The following PCTP variants were observed in gnomAD, a reference collection of about 807,000 sequenced individuals.
The protein encoded by PCTP is phosphatidylcholine transfer protein.
PCTP carries 27 observed loss-of-function variants against 31.0 expected under a neutral mutation model. The ratio of observed to expected loss-of-function variants is 0.87; its 90% CI spans 0.64 to 1.20. The LOEUF is 1.20. PCTP is among the 50% of genes most tolerant of loss of function. PCTP has a pLI of 0.00. For synonymous variants in PCTP, 108 were observed against 101.2 expected (o/e 1.07, Z -0.40); for missense variants, 287 against 268.2 (o/e 1.07, Z -0.49).
intron 5 of PCTP, among the ~76,000 whole-genome samples, chr17:55,842,223 G>A (rs973073127): frequency 6.6e-6 from 1 of 152,116 alleles, no homozygotes; most frequent in South Asian, 2.1e-4. Flanking sequence ...AATGGAATGG[G>A]GCATGGGGGC....
chr17:55,840,640 T>C (rs1905949493), intron 5 of PCTP, among the ~76,000 whole-genome samples: 1 of 152,234 alleles, frequency 6.6e-6, no homozygotes, highest in South Asian at 2.1e-4. Flanking sequence ...ACCTTTATTA[T>C]GGCATATTGT....
At chr17:55,843,593 G>C (rs1486710846), downstream of PCTP, among the ~76,000 whole-genome samples, 1 of 152,152 alleles carries the variant, frequency 6.6e-6, no homozygotes, top group African/African-American at 2.4e-5. Context: ...CCTCCGCATA[G>C]TTCTTCTAAC....
At chr17:55,792,521 A>C (rs1240326134) in intron 3 of PCTP, among the ~76,000 whole-genome samples, 1 of 152,114 alleles carries the variant, frequency 6.6e-6, no homozygotes. Flanking sequence ...TTAGATAGTA[A>C]GAACTGTGCG....
intron 3 of PCTP, among the ~76,000 whole-genome samples, chr17:55,792,530 C>A (rs965095491): frequency 6.6e-6 from 1 of 151,846 alleles, no homozygotes; most frequent in African/African-American, 2.4e-5. Flanking sequence ...AAGAACTGTG[C>A]GGCCAGAAAA....
downstream of PCTP, among the ~76,000 whole-genome samples, chr17:55,779,460 G>A (rs898036467): frequency 6.6e-6 from 1 of 152,182 alleles, no homozygotes; most frequent in Admixed American, 6.5e-5. Context: ...GACTCAGCAG[G>A]AGAGTCAGTC....
In PCTP at chr17:55,837,725, T is replaced by A. The variant is rs532040891; in HGVS notation, n.506-5002T>A. The stretch of plus-strand genomic sequence containing the variant: ...TCATATCTCTCCATGTCTGTAACCA[T>A]CTTCTGACAGAGCCACCATCATCTC... On this transcript the variant is annotated intron_variant and non_coding_transcript_variant, in intron 5 of 5. Coordinates refer to the PCTP transcript ENST00000576221. Among the ~76,000 whole-genome samples the A allele has an allele frequency of 5.9e-5, 9 of 152,114 alleles. 1 individual carries two copies. In the South Asian group the frequency reaches 1.9e-3, roughly 32 times the overall value.
downstream of PCTP, among the ~76,000 whole-genome samples, chr17:55,847,365 G>A (rs1216502282): frequency 6.6e-6 from 1 of 152,196 alleles, no homozygotes; most frequent in Non-Finnish European, 1.5e-5. Context: ...TAATCCCCAG[G>A]TATTGAGGGA....
chr17:55,770,911 TA>T, intron 2 of PCTP, 194 bp from the exon 3 acceptor site: 1 of 399,264 alleles, frequency 2.5e-6, no homozygotes, highest in South Asian at 3.8e-5. Context: ...TTTTTTTTTA[TA>T]TATAGAGATG....
rs186106993 is a variant in PCTP at position 55,817,511 on chromosome 17, G to A, written c.318-5250G>A. On this transcript the variant is annotated intron_variant, in intron 3 of 3. Coordinates refer to the PCTP transcript ENST00000572536. Reference sequence around the variant, plus strand: ...ACTGCAGATCCCTGGATGTGGGGAAGCACCTAAGAAGGTCAGTTCTTCCGG... The same window carrying A: ...ACTGCAGATCCCTGGATGTGGGGAAACACCTAAGAAGGTCAGTTCTTCCGG... Among the ~76,000 whole-genome samples, 358 of 152,330 alleles carry A rather than the reference G, an allele frequency of 2.4e-3. 1 individual carries two copies. The highest frequency in any genetic ancestry group is 3.9e-3 in the Non-Finnish European group (268 of 68,022).
At chr17:55,763,197 C>A (rs1910433519) in intron 1 of PCTP, among the ~76,000 whole-genome samples, 1 of 152,052 alleles carries the variant, frequency 6.6e-6, no homozygotes, top group Non-Finnish European at 1.5e-5. Flanking sequence ...TTTAAGAGAT[C>A]TTACACATCA....
intron 3 of PCTP, among the ~76,000 whole-genome samples, chr17:55,809,157 G>A (rs964614090): frequency 1.3e-5 from 2 of 152,068 alleles, no homozygotes; most frequent in Non-Finnish European, 2.9e-5. Flanking sequence ...ATTCTGACAT[G>A]AAAAAATAAT....
intron 4 of PCTP, among the ~76,000 whole-genome samples, chr17:55,774,425 A>C (rs1458825669): frequency 6.6e-6 from 1 of 152,208 alleles, no homozygotes; most frequent in Non-Finnish European, 1.5e-5. Flanking sequence ...AACTATAGTT[A>C]GATGGTCACC....
chr17:55,766,018 A>G (rs1192803462), intron 1 of PCTP, among the ~76,000 whole-genome samples: 8 of 152,164 alleles, frequency 5.3e-5, no homozygotes, highest in African/African-American at 1.9e-4. Flanking sequence ...TTTCCTGATC[A>G]CCTGATTACA....
intron 3 of PCTP, among the ~76,000 whole-genome samples, chr17:55,790,004 A>C (rs1302856800): frequency 2.0e-5 from 3 of 152,248 alleles, no homozygotes; most frequent in East Asian, 1.9e-4. Flanking sequence ...TCAATATATG[A>C]AAATCAATAA....
At chr17:55,775,711 A>G in intron 5 of PCTP, 5 of 1,218,466 alleles carry the variant, frequency 4.1e-6, no homozygotes, top group Non-Finnish European at 5.1e-6. Context: ...ATTTCTTTGG[A>G]AGAATGTAAC....
intron 5 of PCTP, among the ~76,000 whole-genome samples, chr17:55,834,643 G>A (rs1905717887): frequency 6.6e-6 from 1 of 152,076 alleles, no homozygotes; most frequent in Non-Finnish European, 1.5e-5. Flanking sequence ...TGGTGTGGAT[G>A]GTGTATGGGT....
chr17:55,777,417 GA>G (rs1418961379), downstream of PCTP: 1 of 969,928 alleles, frequency 1.0e-6, no homozygotes, highest in East Asian at 1.1e-4. Context: ...TTCCTTTTGT[GA>G]GTGTGCATCA....
chr17:55,772,637 T>C (rs1911078024), intron 3 of PCTP, among the ~76,000 whole-genome samples: 1 of 151,706 alleles, frequency 6.6e-6, no homozygotes, highest in Non-Finnish European at 1.5e-5. Flanking sequence ...TGCCATGTTA[T>C]AGTAAGTGTA....
intron 3 of PCTP, among the ~76,000 whole-genome samples, chr17:55,814,380 C>G (rs1372513606): frequency 6.6e-6 from 1 of 152,074 alleles, no homozygotes; most frequent in Non-Finnish European, 1.5e-5. Flanking sequence ...TTAGGAGAAC[C>G]AAGGTGAAAA....
Sources: gnomAD v4.1 joint callset for allele counts (sites outside exome capture counted in the v4.1 genomes callset) on GRCh38, gnomAD v4.1.1 for gene constraint, MANE v1.5 for transcripts, NCBI Gene and HGNC (gene_info 2026-07-23, HGNC 2026-07-21) for gene names.